The following KITLG variants were observed in gnomAD, a reference collection of about 807,000 sequenced individuals.
KITLG encodes c-Kit ligand.
Under a neutral mutation model 34.1 loss-of-function variants are expected in KITLG, and 13 were observed. That is an observed-to-expected ratio of 0.38 (90% CI 0.25 to 0.61). KITLG has a LOEUF of 0.61. Ranked by LOEUF, KITLG falls within the 20% of genes least tolerant of loss-of-function variation. The pLI is 0.60. For synonymous variants in KITLG, 110 were observed against 104.0 expected, an observed-to-expected ratio of 1.06 and a Z score of -0.35; for missense variants, 292 against 318.9, an observed-to-expected ratio of 0.92 and a Z score of 0.64.
intron 3 of KITLG, among the ~76,000 whole-genome samples, chr12:88,524,926 G>T (rs1010916952): frequency 6.6e-6 from 1 of 152,118 alleles, no homozygotes; most frequent in Non-Finnish European, 1.5e-5. Flanking sequence ...CGCATCATAG[G>T]AGTGGAGCCT....
intron 1 of KITLG, among the ~76,000 whole-genome samples, chr12:88,548,420 C>G (rs1870788489): frequency 1.3e-5 from 2 of 151,454 alleles, no homozygotes; most frequent in Non-Finnish European, 2.9e-5. Flanking sequence ...CGCCACTGCA[C>G]TCTAGCCTGG....
intron 4 of KITLG, 69 bp from the exon 5 acceptor site, chr12:88,516,559 T>A: frequency 2.1e-6 from 2 of 973,308 alleles, no homozygotes; most frequent in Non-Finnish European, 3.1e-6. Flanking sequence ...GATAATGGAC[T>A]ATAAATATGT....
intron 3 of KITLG, among the ~76,000 whole-genome samples, chr12:88,522,426 CTTTTTTTTTTT>C (rs3060347): frequency 9.5e-6 from 1 of 105,774 alleles, no homozygotes; most frequent in African/African-American, 3.6e-5. Context: ...GATGCACAGT[CTTTTTTTTTTT>C]TTTTTTTTTG....
At chr12:88,549,131 T>C (rs1870811642) in intron 1 of KITLG, among the ~76,000 whole-genome samples, 1 of 152,084 alleles carries the variant, frequency 6.6e-6, no homozygotes, top group Non-Finnish European at 1.5e-5. Flanking sequence ...ATTTAAGACA[T>C]AGCAAGAGTA....
At chr12:88,579,465 A>C (rs1364591409) in intron 1 of KITLG, among the ~76,000 whole-genome samples, 1 of 151,532 alleles carries the variant, frequency 6.6e-6, no homozygotes, top group Non-Finnish European at 1.5e-5. Context: ...TCTTCAAGGG[A>C]AAAAAAAATC....
chr12:88,567,020 A>T (rs1272070895), intron 1 of KITLG, among the ~76,000 whole-genome samples: 1 of 152,168 alleles, frequency 6.6e-6, no homozygotes, highest in Non-Finnish European at 1.5e-5. Context: ...ATCTTCAGGG[A>T]AAAGTGCAAA....
chr12:88,513,316 GA>G (rs1374073782), intron 6 of KITLG, among the ~76,000 whole-genome samples: 3 of 147,568 alleles, frequency 2.0e-5, no homozygotes, highest in Non-Finnish European at 4.5e-5. Context: ...TTAAACACTA[GA>G]AAAAAAATAA....
chr12:88,535,507 T>G (rs1870278807), intron 2 of KITLG, among the ~76,000 whole-genome samples: 2 of 152,160 alleles, frequency 1.3e-5, no homozygotes, highest in South Asian at 4.1e-4. Flanking sequence ...GAGTAACTGG[T>G]GCAGGTAGGA....
chr12:88,523,487 G>A (rs757075195), intron 3 of KITLG, among the ~76,000 whole-genome samples: 7 of 152,028 alleles, frequency 4.6e-5, no homozygotes, highest in African/African-American at 9.7e-5. Context: ...ACGATTCTTC[G>A]GCTCAATTAA....
chr12:88,568,955 T>A (rs1275378947), intron 1 of KITLG, among the ~76,000 whole-genome samples: 2 of 152,228 alleles, frequency 1.3e-5, no homozygotes, highest in African/African-American at 2.4e-5. Context: ...TAAGGTCCCA[T>A]GTCAAGCTAG....
At chr12:88,579,017 T>C (rs968062157) in intron 1 of KITLG, among the ~76,000 whole-genome samples, 7 of 152,166 alleles carry the variant, frequency 4.6e-5, no homozygotes, top group African/African-American at 1.7e-4. Context: ...TCTTTTCTCT[T>C]AGAGAGTGCT....
intron 3 of KITLG, among the ~76,000 whole-genome samples, chr12:88,524,191 T>C (rs192830001): frequency 1.4e-4 from 22 of 152,320 alleles, no homozygotes; most frequent in Admixed American, 1.4e-3. Flanking sequence ...CCACTATCCA[T>C]CTGCAGCTCC....
intron 8 of KITLG, 97 bp downstream of exon 8, chr12:88,506,214 G>C: frequency 1.2e-6 from 1 of 836,616 alleles, no homozygotes; most frequent in Non-Finnish European, 2.1e-6. Flanking sequence ...CTACTGTCAT[G>C]AGTGAAGGAC....
At chr12:88,533,012 C>T (rs1566025586) in intron 2 of KITLG, among the ~76,000 whole-genome samples, 1 of 151,974 alleles carries the variant, frequency 6.6e-6, no homozygotes, top group Non-Finnish European at 1.5e-5. Flanking sequence ...GATGTGCACC[C>T]AAATTTGAGA....
At chr12:88,501,626 A>C (rs1868860861) in intron 9 of KITLG, among the ~76,000 whole-genome samples, 1 of 152,156 alleles carries the variant, frequency 6.6e-6, no homozygotes, top group Admixed American at 6.6e-5. Context: ...TAGTCAATAG[A>C]TGATTACAAA....
intron 2 of KITLG, among the ~76,000 whole-genome samples, chr12:88,535,871 C>T (rs1298571085): frequency 3.9e-5 from 6 of 151,982 alleles, no homozygotes; most frequent in African/African-American, 7.2e-5. Context: ...GAACTAGACC[C>T]CTACTATTCA....
chr12:88,554,032 C>T (rs1871014702), intron 1 of KITLG, among the ~76,000 whole-genome samples: 1 of 152,186 alleles, frequency 6.6e-6, no homozygotes, highest in Non-Finnish European at 1.5e-5. Context: ...AATAACCAAT[C>T]CCTCCTGAAC....
chr12:88,506,767 A>T (rs1252576871), intron 7 of KITLG, among the ~76,000 whole-genome samples: 1 of 152,204 alleles, frequency 6.6e-6, no homozygotes, highest in Non-Finnish European at 1.5e-5. Context: ...AGTATATCAT[A>T]TGATTTTCGT....
At chr12:88,520,062 A>C (rs1173687116) in intron 3 of KITLG, among the ~76,000 whole-genome samples, 1 of 152,190 alleles carries the variant, frequency 6.6e-6, no homozygotes, top group Non-Finnish European at 1.5e-5. Flanking sequence ...GGAACCATTA[A>C]ATGTCACTCA....
Sources: allele counts gnomAD v4.1 joint callset (sites outside exome capture counted in the v4.1 genomes callset), GRCh38; gene constraint gnomAD v4.1.1; transcripts MANE v1.5; gene names NCBI Gene and HGNC (gene_info 2026-07-23, HGNC 2026-07-21).